The following PRKCZ variants were observed in gnomAD, a reference collection of about 807,000 sequenced individuals.
PRKCZ encodes protein kinase C zeta, also known as protein kinase C zeta type.
PRKCZ carries 33 observed loss-of-function variants against 79.5 expected under a neutral mutation model. That is an observed-to-expected ratio of 0.41 (90% CI 0.31 to 0.55). The LOEUF (loss-of-function observed/expected upper bound fraction) is 0.55. PRKCZ is among the 20% of genes least tolerant of loss of function. The pLI, the probability that PRKCZ is intolerant of heterozygous loss-of-function variation, is 0.19. For synonymous variants in PRKCZ, 342 were observed against 320.9 expected (o/e 1.07, Z -0.70); for missense variants, 578 against 813.5 (o/e 0.71, Z 3.52).
chr1:2,053,544 C>T (rs540095918), intron 1 of PRKCZ, among the ~76,000 whole-genome samples: 138 of 152,286 alleles, frequency 9.1e-4, no homozygotes, highest in African/African-American at 3.1e-3. Context: ...CTGAAGGGCA[C>T]AGGGCAGCTG....
rs2100476267 is a variant in PRKCZ at position 2,178,369 on chromosome 1, C to A, written c.1575+3056C>A. 6.6e-6 allele frequency among the ~76,000 whole-genome samples: 1 copy of A among 152,378 alleles called. No homozygotes were observed. Among genetic ancestry groups the A allele is most frequent in the East Asian group, 1.9e-4 (1 of 5,188 alleles). Reference sequence around the variant, plus strand: ...CACACAGTAGCACGTGGCACTGCCTCCTTCCTGCGCTGAACCCCACCCACT... The same window carrying A: ...CACACAGTAGCACGTGGCACTGCCTACTTCCTGCGCTGAACCCCACCCACT... On this transcript the variant is annotated intron_variant, in intron 16 of 17. Transcript: ENST00000378567. The surrounding 1 kb of genome is among the most constrained non-coding windows in gnomAD (Gnocchi z 4.3).
chr1:2,184,691 G>A lies in PRKCZ; in HGVS notation c.1684G>A (p.Asp562Asn), dbSNP rs1291058926. 1 of 1,612,964 alleles carries A rather than the reference G, an allele frequency of 6.2e-7. No homozygotes were observed. ...CAGCGAGCCCGTGCAGCTGACCCCAGACGATGAGTGAGTCCCACTGGGTGC... is the reference window on the plus strand; with the variant it reads ...CAGCGAGCCCGTGCAGCTGACCCCAAACGATGAGTGAGTCCCACTGGGTGC... ...FTSEPVQLTP[D>N]DEDAIKRIDQ... is the part of the protein sequence containing the mutation. Residue 562 changes from aspartate (D) to asparagine (N), a missense_variant, in exon 17 of 18, where the codon GAC becomes AAC. This residue lies in a region of PRKCZ where 243 missense variants were observed against 467.0 expected (regional missense o/e 0.52). Coordinates refer to ENST00000378567, the MANE Select transcript of PRKCZ (RefSeq NM_002744.6).
chr1:2,087,990 C>T (rs556229196), intron 4 of PRKCZ, among the ~76,000 whole-genome samples: 3 of 152,340 alleles, frequency 2.0e-5, no homozygotes, highest in Admixed American at 6.5e-5. Flanking sequence ...GCGTGCTGGC[C>T]GCCTGGACAC....
intron 10 of PRKCZ, among the ~76,000 whole-genome samples, chr1:2,163,303 C>T (rs1383656712): frequency 6.6e-6 from 1 of 152,242 alleles, no homozygotes; most frequent in Non-Finnish European, 1.5e-5. Flanking sequence ...GGGGCTCTGC[C>T]TGCAGCCGTG....
intron 4 of PRKCZ, among the ~76,000 whole-genome samples, chr1:2,109,764 A>G (rs1669344358): frequency 1.3e-5 from 2 of 151,944 alleles, no homozygotes; most frequent in South Asian, 4.1e-4. Context: ...GAGGCAGGTG[A>G]GGTCCAGGCC....
chr1:2,058,790 G>A (rs1018159815), intron 3 of PRKCZ, among the ~76,000 whole-genome samples: 25 of 152,228 alleles, frequency 1.6e-4, no homozygotes, highest in African/African-American at 6.0e-4. Flanking sequence ...CAGCTACTTG[G>A]GAGGCTGAGG....
At chr1:2,112,433 C>T (rs1355645062) in intron 4 of PRKCZ, among the ~76,000 whole-genome samples, 1 of 152,128 alleles carries the variant, frequency 6.6e-6, no homozygotes, top group Non-Finnish European at 1.5e-5. Context: ...AGCCTGGAAC[C>T]CCTGCCCCGT....
intron 4 of PRKCZ, chr1:2,074,173 G>C: frequency 6.5e-7 from 1 of 1,549,686 alleles, no homozygotes; most frequent in Non-Finnish European, 8.7e-7. Context: ...GTGAGAGGCT[G>C]TTGTTTTGCG....
chr1:2,130,805 C>T (rs1674801998), intron 4 of PRKCZ, among the ~76,000 whole-genome samples: 1 of 152,072 alleles, frequency 6.6e-6, no homozygotes, highest in Non-Finnish European at 1.5e-5. Flanking sequence ...TAACATTTGA[C>T]CAGCCGTCTG....
chr1:2,094,957 G>A lies in PRKCZ; in HGVS notation c.334+35366G>A, dbSNP rs560928177. Among the ~76,000 whole-genome samples, 115 of 152,212 alleles carry A rather than the reference G, an allele frequency of 7.6e-4. No homozygotes were observed. The highest frequency in any genetic ancestry group is 1.4e-3 in the Non-Finnish European group (96 of 68,018). On this transcript the variant is annotated intron_variant, in intron 4 of 17. Coordinates refer to ENST00000378567, the MANE Select transcript of PRKCZ (RefSeq NM_002744.6). This position sits in a 1 kb window ranked among gnomAD's most constrained non-coding sequence, Gnocchi z 7.3. ...CCATGCCAGTTCTCTCCCTGCCCCC[G>A]CCGGCATGACACGGACACTGGTGCC...
Position 2,172,377 on chromosome 1 carries a change from G to C in PRKCZ, c.1274G>C (p.Gly425Ala), listed in dbSNP as rs778317406. ...PNYIAPEILR[G>A]EEYGFSVDWW... ...TACATCGCCCCCGAAATCCTGCGGG[G>C]AGAGGAGTACGGTGAGTGCCGCTGC... The change falls in exon 13 of 18, where the codon GGA becomes GCA. Residue 425 changes from glycine (G) to alanine (A), a missense_variant. Physicochemically the swap from Gly to Ala is moderately conservative, Grantham distance 60. Transcript: ENST00000378567. The surrounding 1 kb of genome is among the most constrained non-coding windows in gnomAD (Gnocchi z 7.8). 6.2e-7 allele frequency: 1 copy of C among 1,612,984 alleles called. No individual in the cohort carries two copies. Among genetic ancestry groups the C allele is most frequent in the Admixed American group, 1.7e-5 (1 of 60,002 alleles).
chr1:2,185,354 C>T lies in PRKCZ; in HGVS notation c.*345C>T, dbSNP rs777654173. On this transcript the variant is annotated 3_prime_UTR_variant, in exon 18 of 18. Coordinates refer to ENST00000378567, the MANE Select transcript of PRKCZ (RefSeq NM_002744.6). The stretch of plus-strand genomic sequence containing the variant: ...TGACCTGCTCCGCCAGGAAAGTGAG[C>T]GTGTAGCGTCCTGAGGAATAAAATG... 1 of 718,782 alleles carries T rather than the reference C, an allele frequency of 1.4e-6. No homozygotes were observed. Among genetic ancestry groups the T allele is most frequent in the Non-Finnish European group, 2.6e-6 (1 of 385,138 alleles). 44.5% of individuals were successfully genotyped at this position (718,782 alleles called of 1,614,324 possible). A position where few individuals can be genotyped will look rare whatever the true frequency, so the allele number is the denominator to read the frequency against.
At chr1:2,144,542 A>C in intron 6 of PRKCZ, 3 of 1,412,826 alleles carry the variant, frequency 2.1e-6, no homozygotes, top group Non-Finnish European at 2.8e-6. Flanking sequence ...AGCCCCCGGC[A>C]CACTCTGCTC....
intron 4 of PRKCZ, among the ~76,000 whole-genome samples, chr1:2,092,150 G>A (rs1001890219): frequency 6.6e-6 from 1 of 152,168 alleles, no homozygotes; most frequent in Non-Finnish European, 1.5e-5. Flanking sequence ...CGCCCCCTTG[G>A]CTCCGGCCCC....
intron 8 of PRKCZ, among the ~76,000 whole-genome samples, chr1:2,150,219 A>G (rs1679598815): frequency 6.6e-6 from 1 of 151,214 alleles, no homozygotes; most frequent in Non-Finnish European, 1.5e-5. Flanking sequence ...AGCACCTCCC[A>G]AGGAACCGCC....
chr1:2,174,118 G>A lies in PRKCZ; in HGVS notation c.1405+102G>A. On this transcript the variant is annotated intron_variant, in intron 14 of 17. Transcript: ENST00000378567. This position sits in a 1 kb window ranked among gnomAD's most constrained non-coding sequence, Gnocchi z 6.2. ...GGTCCCGCGGGTGCCTGGAGCGGCA[G>A]TGCCATGCAAAGCGTACCGGGAACC... The A allele has an allele frequency of 7.1e-7, 1 of 1,406,302 alleles. No homozygotes were observed. Among genetic ancestry groups the A allele is most frequent in the Non-Finnish European group, 9.5e-7 (1 of 1,055,878 alleles). 87.1% of individuals were successfully genotyped at this position (1,406,302 alleles called of 1,614,324 possible). A position where few individuals can be genotyped will look rare whatever the true frequency, so the allele number is the denominator to read the frequency against.
In PRKCZ at chr1:2,184,902, C is replaced by G. The variant is rs780864768; in HGVS notation, c.1692-20C>G. On this transcript the variant is annotated intron_variant, in intron 17 of 17. Coordinates refer to ENST00000378567, the MANE Select transcript of PRKCZ (RefSeq NM_002744.6). The stretch of plus-strand genomic sequence containing the variant: ...TGAACACACGGTCACCCCCCTCCCC[C>G]CTGCCACCTTTGCCCACAGGGATGC... 1 of 1,608,318 alleles carries G rather than the reference C, an allele frequency of 6.2e-7. No individual in the cohort carries two copies. The highest frequency in any genetic ancestry group is 1.1e-5 in the South Asian group (1 of 90,714).
chr1:2,050,306 C>T (rs1479569309), upstream of PRKCZ, among the ~76,000 whole-genome samples: 1 of 151,590 alleles, frequency 6.6e-6, no homozygotes, highest in African/African-American at 2.4e-5. Flanking sequence ...CGAGGATTGG[C>T]CCAGGTGGCG....
At chr1:2,106,930 C>T (rs994544863) in intron 4 of PRKCZ, among the ~76,000 whole-genome samples, 7 of 152,060 alleles carry the variant, frequency 4.6e-5, no homozygotes, top group Non-Finnish European at 1.0e-4. Flanking sequence ...TGGGCGAGGA[C>T]CTCTGCACGT....
Sources: allele counts gnomAD v4.1 joint callset (sites outside exome capture counted in the v4.1 genomes callset), GRCh38; gene constraint gnomAD v4.1.1; regional missense constraint gnomAD v4.1.1; non-coding constraint Gnocchi (gnomAD v3.1); transcripts MANE v1.5; gene names NCBI Gene and HGNC (gene_info 2026-07-23, HGNC 2026-07-21).